Variants in RNF175 observed in about 807,000 individuals in gnomAD.
The protein encoded by RNF175 is ring finger protein 175.
Under a neutral mutation model 50.0 loss-of-function variants are expected in RNF175, and 38 were observed. The observed-to-expected ratio is 0.76, with a 90% CI of 0.59 to 1.00. The LOEUF (loss-of-function observed/expected upper bound fraction) is 1.00. RNF175 is among the 50% of genes least tolerant of loss of function. The probability of loss-of-function intolerance (pLI) is 0.00; values close to 1 mark genes in which losing one functional copy is unlikely to be tolerated. For synonymous variants in RNF175, 155 were observed against 146.1 expected, an observed-to-expected ratio of 1.06 and a Z score of -0.44; for missense variants, 388 against 409.6, an observed-to-expected ratio of 0.95 and a Z score of 0.46.
At chr4:153,731,087 A>G (rs1739006275) in intron 3 of RNF175, among the ~76,000 whole-genome samples, 1 of 152,216 alleles carries the variant, frequency 6.6e-6, no homozygotes, top group Admixed American at 6.5e-5. Context: ...GTAACTCAGC[A>G]CCATATTTTC....
At chr4:153,755,788 C>A (rs1027391743) in intron 1 of RNF175, among the ~76,000 whole-genome samples, 2 of 151,894 alleles carry the variant, frequency 1.3e-5, no homozygotes. Context: ...GAAATGCTCA[C>A]CAAGTACCCA....
At chr4:153,758,937 G>A (rs1487513315) in intron 1 of RNF175, among the ~76,000 whole-genome samples, 1 of 152,208 alleles carries the variant, frequency 6.6e-6, no homozygotes, top group Non-Finnish European at 1.5e-5. Context: ...GCCCTTCTCA[G>A]AAATCCTACA....
chr4:153,713,618 C>T (rs1201726617), intron 7 of RNF175: 3 of 152,184 alleles, frequency 2.0e-5, no homozygotes, highest in Non-Finnish European at 2.9e-5. Context: ...GTAGAAGTTC[C>T]CTCCCTAACA....
intron 3 of RNF175, among the ~76,000 whole-genome samples, chr4:153,747,036 G>C (rs1408021323): frequency 6.6e-6 from 1 of 152,180 alleles, no homozygotes; most frequent in Non-Finnish European, 1.5e-5. Flanking sequence ...CACTGGTCCT[G>C]TGTAGGGTAC....
chr4:153,718,851 G>A (rs1228150100), intron 6 of RNF175, among the ~76,000 whole-genome samples: 2 of 152,232 alleles, frequency 1.3e-5, no homozygotes, highest in Non-Finnish European at 2.9e-5. Context: ...GACAATTGCT[G>A]TGGGGAGGAA....
chr4:153,753,240 G>A (rs574533257), intron 1 of RNF175, among the ~76,000 whole-genome samples: 10 of 152,224 alleles, frequency 6.6e-5, no homozygotes, highest in East Asian at 3.9e-4. Context: ...CTCCTAGGGC[G>A]TCTAGAAGTG....
chr4:153,738,633 A>C (rs1007086341), intron 3 of RNF175, among the ~76,000 whole-genome samples: 8 of 152,230 alleles, frequency 5.3e-5, no homozygotes, highest in Non-Finnish European at 1.2e-4. Flanking sequence ...GTAACAACAT[A>C]TAATTGCATC....
At chr4:153,731,650 A>C (rs775986063) in intron 3 of RNF175, among the ~76,000 whole-genome samples, 7 of 150,864 alleles carry the variant, frequency 4.6e-5, no homozygotes, top group Non-Finnish European at 1.5e-5. Flanking sequence ...TAAAAGAAAG[A>C]AGGAAAGAGA....
chr4:153,729,814 A>T (rs1283887683), intron 3 of RNF175: 1 of 984,940 alleles, frequency 1.0e-6, no homozygotes, highest in Non-Finnish European at 1.2e-6. Context: ...GTCTGAGGTG[A>T]GTATCTGAGG....
At chr4:153,733,830 AAATT>A (rs1640163119) in intron 3 of RNF175, among the ~76,000 whole-genome samples, 2 of 152,192 alleles carry the variant, frequency 1.3e-5, no homozygotes, top group Non-Finnish European at 2.9e-5. Context: ...AATATTACAC[AAATT>A]AATTTTACTA....
At chr4:153,752,896 T>C (rs1740365050) in intron 1 of RNF175, among the ~76,000 whole-genome samples, 1 of 151,982 alleles carries the variant, frequency 6.6e-6, no homozygotes, top group South Asian at 2.1e-4. Flanking sequence ...AATAAATTTA[T>C]GGAAAGGTGT....
chr4:153,718,245 TTTTTTTTG>T lies in RNF175; in HGVS notation c.630+1931_630+1938del, dbSNP rs1738106673. Among the ~76,000 whole-genome samples the T allele has an allele frequency of 2.9e-5, 4 of 135,998 alleles. 1 individual carries two copies. The Admixed American group carries it at 3.0e-4, about 10-fold the overall frequency. 89.2% of individuals were successfully genotyped at this position (135,998 alleles called of 152,430 possible). A position where few individuals can be genotyped will look rare whatever the true frequency, so the allele number is the denominator to read the frequency against. On this transcript the variant is annotated intron_variant, in intron 6 of 8. Transcript: ENST00000347063. The stretch of plus-strand genomic sequence containing the variant: ...TTGTTTGTTTGTTTGTTTGTTTTTT[TTTTTTTTG>T]AAGCAGATGCACTGGATCTACTCCC...
chr4:153,753,733 A>G (rs1740415851), intron 1 of RNF175, among the ~76,000 whole-genome samples: 1 of 151,188 alleles, frequency 6.6e-6, no homozygotes, highest in Admixed American at 6.6e-5. Context: ...AAATTTTTCT[A>G]TTTTTAGTAG....
Position 153,710,281 on chromosome 4 carries a change from G to T in RNF175, c.*88C>A. The T allele has an allele frequency of 9.6e-7, 1 of 1,047,050 alleles. No homozygotes were observed. Among genetic ancestry groups the T allele is most frequent in the Non-Finnish European group, 1.3e-6 (1 of 755,876 alleles). 64.9% of individuals were successfully genotyped at this position (1,047,050 alleles called of 1,614,324 possible). ...GTTTACTTAGTTTTCTAAACACTTG[G>T]GATCATCTCTAAAATTAAAAAAATT... is the stretch of plus-strand genomic sequence containing the variant. On this transcript the variant is annotated 3_prime_UTR_variant, in exon 9 of 9. Coordinates refer to ENST00000347063, the MANE Select transcript of RNF175 (RefSeq NM_173662.4).
chr4:153,751,018 G>A (rs1196106154), intron 2 of RNF175, among the ~76,000 whole-genome samples: 2 of 152,058 alleles, frequency 1.3e-5, no homozygotes, highest in African/African-American at 4.8e-5. Context: ...TTTTGAGTAG[G>A]AATATATCCA....
chr4:153,732,662 G>A (rs1739108362), intron 3 of RNF175, among the ~76,000 whole-genome samples: 1 of 152,230 alleles, frequency 6.6e-6, no homozygotes, highest in Non-Finnish European at 1.5e-5. Flanking sequence ...GATTTGTGAA[G>A]TCAGAGAAGG....
chr4:153,725,401 T>A (rs1232933727), intron 4 of RNF175, among the ~76,000 whole-genome samples: 1 of 152,124 alleles, frequency 6.6e-6, no homozygotes, highest in African/African-American at 2.4e-5. Flanking sequence ...GAGGGTCCCC[T>A]CTACTAGGCC....
chr4:153,725,407 A>G (rs1206063275), intron 4 of RNF175, among the ~76,000 whole-genome samples: 4 of 152,158 alleles, frequency 2.6e-5, no homozygotes, highest in African/African-American at 9.7e-5. Flanking sequence ...CCCCTCTACT[A>G]GGCCCCCAAC....
At chr4:153,717,304 T>A (rs1283112241) in intron 6 of RNF175, among the ~76,000 whole-genome samples, 1 of 152,172 alleles carries the variant, frequency 6.6e-6, no homozygotes, top group African/African-American at 2.4e-5. Context: ...TTGCTTTTGG[T>A]CACTACGAGA....
Sources: gnomAD v4.1 joint callset for allele counts (sites outside exome capture counted in the v4.1 genomes callset) on GRCh38, gnomAD v4.1.1 for gene constraint, MANE v1.5 for transcripts, NCBI Gene and HGNC (gene_info 2026-07-23, HGNC 2026-07-21) for gene names.